Variants in POLQ observed in about 807,000 individuals in gnomAD.
The protein encoded by POLQ is epididymis secretory sperm binding protein.
A neutral mutation model predicts 259.2 loss-of-function variants in POLQ; 233 were observed. The ratio of observed to expected loss-of-function variants is 0.90; its 90% confidence interval spans 0.81 to 1.00. POLQ has a LOEUF of 1.00. POLQ is among the 50% of genes least tolerant of loss of function. The pLI, the probability that POLQ is intolerant of heterozygous loss-of-function variation, is 0.00. For synonymous variants in POLQ, 1,025 were observed against 1,048.8 expected (o/e 0.98, Z 0.44); for missense variants, 2,871 against 3,051.6 (o/e 0.94, Z 1.39).
At chr3:121,437,231 C>A (rs1560083057) in intron 27 of POLQ, among the ~76,000 whole-genome samples, 1 of 152,050 alleles carries the variant, frequency 6.6e-6, no homozygotes, top group Non-Finnish European at 1.5e-5. Context: ...ACAAAAACCT[C>A]TCTCCACACC....
chr3:121,436,343 C>A, intron 27 of POLQ, 68 bp from the exon 28 acceptor site: 1 of 1,513,434 alleles, frequency 6.6e-7, no homozygotes, highest in East Asian at 2.3e-5. Flanking sequence ...CCTTTAGTGT[C>A]CACAGTTCAG....
rs2047782515 is a variant in POLQ, at chr3:121,460,401, C to G, written c.6968-167G>C. ...TTCCTCTTAATATGATGGAATTCAGCTCTGTATCTTAGGTCATTTTTTTCC... is the reference window on the plus strand; with the variant it reads ...TTCCTCTTAATATGATGGAATTCAGGTCTGTATCTTAGGTCATTTTTTTCC... On this transcript the variant is annotated intron_variant, in intron 24 of 29. Coordinates refer to ENST00000264233, the MANE Select transcript of POLQ (RefSeq NM_199420.4). Among the ~76,000 whole-genome samples the G allele has an allele frequency of 3.3e-5, 5 of 152,112 alleles. No individual in the cohort carries two copies. In the South Asian group the frequency reaches 1.0e-3, roughly 31 times the overall value.
rs2047499277 is a variant in POLQ, at chr3:121,432,216, G to T, written c.*88C>A. 8.2e-7 allele frequency: 1 copy of T among 1,224,666 alleles called. No homozygotes were observed. The highest frequency in any genetic ancestry group is 1.1e-6 in the Non-Finnish European group (1 of 899,028). 75.9% of individuals were successfully genotyped at this position (1,224,666 alleles called of 1,614,324 possible). A position where few individuals can be genotyped will look rare whatever the true frequency, so the allele number is the denominator to read the frequency against. ...CTATCAAGACTTGAAAGTTTGTTTT[G>T]CTGAGGTAGGTGAAAGGGTAATCTC... On this transcript the variant is annotated 3_prime_UTR_variant, in exon 30 of 30. Coordinates refer to ENST00000264233, the MANE Select transcript of POLQ (RefSeq NM_199420.4).
intron 25 of POLQ, among the ~76,000 whole-genome samples, chr3:121,451,424 T>A (rs892826571): frequency 6.6e-6 from 1 of 152,260 alleles, no homozygotes. Flanking sequence ...TGGTTTTATC[T>A]ACCTTTGGTC....
chr3:121,453,969 G>A (rs1335762695), intron 25 of POLQ, among the ~76,000 whole-genome samples: 1 of 152,160 alleles, frequency 6.6e-6, no homozygotes, highest in Non-Finnish European at 1.5e-5. Context: ...AAATGTTAAC[G>A]GCAGCCAGAG....
chr3:121,482,994 T>G (rs571220353), intron 18 of POLQ, among the ~76,000 whole-genome samples: 2 of 152,318 alleles, frequency 1.3e-5, no homozygotes, highest in Non-Finnish European at 2.9e-5. Flanking sequence ...TTTTGTCATC[T>G]TATTCACACT....
intron 24 of POLQ, among the ~76,000 whole-genome samples, chr3:121,461,466 C>T (rs1447853641): frequency 2.0e-5 from 3 of 151,990 alleles, no homozygotes; most frequent in Non-Finnish European, 4.4e-5. Context: ...TCCTGGCCAA[C>T]ATGGTGAAAC....
Position 121,510,050 on chromosome 3 carries a change from T to C in POLQ, c.1805A>G (p.Asp602Gly). 1.2e-6 allele frequency: 2 copies of C among 1,613,300 alleles called. No homozygotes were observed. The highest frequency in any genetic ancestry group is 1.7e-6 in the Non-Finnish European group (2 of 1,179,200). The stretch of plus-strand genomic sequence containing the variant: ...GAAGTCACACTTACCTTCTGTTCCA[T>C]CACTGGCTTCTGTACTCTGGATGAA... ...NEFIQSTEAS[D>G]GTEGKVYHPT... The change falls in exon 11 of 30, where the codon GAT becomes GGT. Residue 602 changes from aspartate to glycine, a missense_variant. Coordinates refer to ENST00000264233, the MANE Select transcript of POLQ (RefSeq NM_199420.4).
chr3:121,530,617 A>C (rs915739861), intron 6 of POLQ, among the ~76,000 whole-genome samples: 1 of 152,194 alleles, frequency 6.6e-6, no homozygotes, highest in African/African-American at 2.4e-5. Context: ...GAAGGTGGGG[A>C]AACATTATCT....
chr3:121,508,906 T>A (rs1374935412), intron 12 of POLQ, among the ~76,000 whole-genome samples: 1 of 152,180 alleles, frequency 6.6e-6, no homozygotes, highest in South Asian at 2.1e-4. Flanking sequence ...TTAAACACTA[T>A]CCAATTCTTA....
intron 19 of POLQ, among the ~76,000 whole-genome samples, chr3:121,480,170 G>A (rs2047959494): frequency 6.7e-6 from 1 of 150,230 alleles, no homozygotes; most frequent in Admixed American, 6.6e-5. Flanking sequence ...AAAAGATTTG[G>A]AAAAAAAATA....
rs75689509 is a variant in POLQ at position 121,497,055 on chromosome 3, G to T, written c.2154-123C>A. On this transcript the variant is annotated intron_variant, in intron 13 of 29. Coordinates refer to ENST00000264233, the MANE Select transcript of POLQ (RefSeq NM_199420.4). ...GGGCTTATATAATACATTGTGGTGA[G>T]ATTCTTAATAGAAAATAGGATTACT... The T allele has an allele frequency of 4.0e-5, 39 of 971,402 alleles. No individual in the cohort carries two copies. The East Asian group carries it at 9.8e-4, about 24-fold the overall frequency. The allele number at this position is 971,402 out of a possible 1,614,324, so 60.2% of individuals were successfully genotyped here.
At position 121,521,689 on chromosome 3, in the gene POLQ, G is replaced by A. The variant is rs56370428; in HGVS notation, c.1255+314C>T. ...GGTTCAAGCAATTCTCCCTGCCTCA[G>A]CCTCCTGAGAAGCTGGAATTACAGG... On this transcript the variant is annotated intron_variant, in intron 8 of 29. Coordinates refer to ENST00000264233, the MANE Select transcript of POLQ (RefSeq NM_199420.4). The A allele has an allele frequency of 0.013, 2,164 of 160,462 alleles. 204 individuals are homozygous for A. The East Asian group carries it at 0.27, about 20-fold the overall frequency. The allele number at this position is 160,462 out of a possible 1,614,324, so 9.9% of individuals were successfully genotyped here. A position where few individuals can be genotyped will look rare whatever the true frequency, so the allele number is the denominator to read the frequency against.
chr3:121,538,215 GT>G (rs1008835024), intron 4 of POLQ, among the ~76,000 whole-genome samples: 5 of 151,418 alleles, frequency 3.3e-5, no homozygotes, highest in African/African-American at 7.3e-5. Flanking sequence ...AATTTTAAGA[GT>G]TTTTTTTTAA....
intron 15 of POLQ, 117 bp downstream of exon 15, chr3:121,493,361 C>T (rs2048086978): frequency 1.3e-6 from 1 of 757,188 alleles, no homozygotes; most frequent in Non-Finnish European, 2.0e-6. Context: ...TCCACTTACA[C>T]CAAGTATATA....
At chr3:121,523,633 T>G (rs1255843882) in intron 7 of POLQ, among the ~76,000 whole-genome samples, 1 of 152,116 alleles carries the variant, frequency 6.6e-6, no homozygotes, top group Non-Finnish European at 1.5e-5. Context: ...GAGGATCACT[T>G]GAGCCCATGA....
chr3:121,471,560 G>A (rs754126839), intron 22 of POLQ, among the ~76,000 whole-genome samples: 23 of 152,184 alleles, frequency 1.5e-4, no homozygotes, highest in South Asian at 4.2e-4. Flanking sequence ...TGATCAATGT[G>A]ACGAAACCCC....
chr3:121,490,871 T>G (rs2048063068), intron 15 of POLQ, among the ~76,000 whole-genome samples: 1 of 151,998 alleles, frequency 6.6e-6, no homozygotes. Flanking sequence ...CTGGCCAACA[T>G]GGTGAAACAC....
At chr3:121,451,910 G>A (rs928278188) in intron 25 of POLQ, among the ~76,000 whole-genome samples, 14 of 152,318 alleles carry the variant, frequency 9.2e-5, no homozygotes, top group South Asian at 4.1e-4. Flanking sequence ...GCAGGCAGGC[G>A]TCCTTGAGCT....
Sources: allele counts gnomAD v4.1 joint callset (sites outside exome capture counted in the v4.1 genomes callset), GRCh38; gene constraint gnomAD v4.1.1; transcripts MANE v1.5; gene names NCBI Gene and HGNC (gene_info 2026-07-23, HGNC 2026-07-21).